The following UBR2 variants were observed in gnomAD, a reference collection of about 807,000 sequenced individuals.
UBR2 encodes the protein ubiquitin protein ligase E3 component n-recognin 2.
UBR2 carries 92 observed loss-of-function variants against 247.9 expected under a neutral mutation model. The observed-to-expected ratio is 0.37, with a 90% confidence interval of 0.31 to 0.44. UBR2 has a LOEUF of 0.44. UBR2 is among the 20% of genes least tolerant of loss of function. The pLI is 1.00. For synonymous variants in UBR2, 672 were observed against 693.5 expected, an observed-to-expected ratio of 0.97 and a Z score of 0.49; for missense variants, 1,613 against 2,112.6, an observed-to-expected ratio of 0.76 and a Z score of 4.64.
intron 2 of UBR2, among the ~76,000 whole-genome samples, chr6:42,579,969 C>T (rs1476867622): frequency 6.6e-6 from 1 of 151,984 alleles, no homozygotes; most frequent in African/African-American, 2.4e-5. Context: ...TTCTTTATAA[C>T]TGTTTTCATA....
At chr6:42,651,387 C>T (rs1797101062) in intron 23 of UBR2, among the ~76,000 whole-genome samples, 1 of 151,648 alleles carries the variant, frequency 6.6e-6, no homozygotes, top group Non-Finnish European at 1.5e-5. Context: ...TGTTTCCCTT[C>T]TAATTTAAAG....
intron 1 of UBR2, among the ~76,000 whole-genome samples, chr6:42,569,158 T>C (rs1469098505): frequency 6.6e-6 from 1 of 152,248 alleles, no homozygotes; most frequent in Non-Finnish European, 1.5e-5. Context: ...TGGGGACATA[T>C]GCTTTTGTTT....
intron 2 of UBR2, among the ~76,000 whole-genome samples, chr6:42,589,535 T>G: frequency 6.6e-6 from 1 of 152,212 alleles, no homozygotes; most frequent in East Asian, 1.9e-4. Flanking sequence ...TAGGAAGTAT[T>G]CCCTCTGCTT....
At chr6:42,665,745 T>C (rs1484558486) in intron 33 of UBR2, among the ~76,000 whole-genome samples, 3 of 152,018 alleles carry the variant, frequency 2.0e-5, no homozygotes, top group South Asian at 2.1e-4. Flanking sequence ...CCCCATTTTA[T>C]TGAAGAGCTT....
intron 9 of UBR2, 84 bp downstream of exon 9, chr6:42,615,262 A>G (rs1794468330): frequency 1.0e-6 from 1 of 995,870 alleles, no homozygotes; most frequent in African/African-American, 1.7e-5. Flanking sequence ...TTGGGAAGAT[A>G]TTTAATACAT....
At chr6:42,618,020 T>G (rs1173442140) in intron 11 of UBR2, among the ~76,000 whole-genome samples, 2 of 152,216 alleles carry the variant, frequency 1.3e-5, no homozygotes, top group Non-Finnish European at 2.9e-5. Flanking sequence ...TAATTAAAAT[T>G]CATATTTAAT....
intron 4 of UBR2, among the ~76,000 whole-genome samples, chr6:42,601,972 C>T (rs1377397250): frequency 1.0e-5 from 1 of 100,374 alleles, no homozygotes; most frequent in African/African-American, 4.0e-5. Flanking sequence ...TGGGTTCAAG[C>T]GATTCTCCTG....
At chr6:42,565,043 C>T (rs1446243667) in intron 1 of UBR2, among the ~76,000 whole-genome samples, 1 of 151,870 alleles carries the variant, frequency 6.6e-6, no homozygotes, top group Non-Finnish European at 1.5e-5. Context: ...AATATTTTTT[C>T]TAGGAGTTAG....
intron 32 of UBR2, among the ~76,000 whole-genome samples, chr6:42,665,064 A>G (rs1470680924): frequency 1.3e-5 from 2 of 152,256 alleles, no homozygotes; most frequent in Non-Finnish European, 2.9e-5. Flanking sequence ...GTCTAATACC[A>G]TAAGATATTT....
chr6:42,671,410 TAA>T (rs56409458), intron 36 of UBR2, among the ~76,000 whole-genome samples: 331 of 145,488 alleles, frequency 2.3e-3, no homozygotes, highest in Middle Eastern at 3.4e-3. Context: ...ATCCTATCTT[TAA>T]AAAAAAAAAA....
At chr6:42,575,652 A>G (rs1791458877) in intron 2 of UBR2, among the ~76,000 whole-genome samples, 1 of 152,136 alleles carries the variant, frequency 6.6e-6, no homozygotes, top group Non-Finnish European at 1.5e-5. Flanking sequence ...AATTAGATTC[A>G]AGTTGCATCT....
chr6:42,612,390 T>A (rs1794146600), intron 8 of UBR2, 99 bp downstream of exon 8: 1 of 1,251,996 alleles, frequency 8.0e-7, no homozygotes, highest in Non-Finnish European at 1.1e-6. Flanking sequence ...AATAATTTCC[T>A]GCTTTAATTT....
chr6:42,616,214 G>A, intron 10 of UBR2, 124 bp downstream of exon 10: 1 of 587,224 alleles, frequency 1.7e-6, no homozygotes, highest in Non-Finnish European at 2.8e-6. Flanking sequence ...TAAATTCTAA[G>A]AAACTTCATA....
Position 42,659,725 on chromosome 6 carries a change from A to G in UBR2, c.3312A>G (p.Gln1104=), listed in dbSNP as rs1051090438. The change falls in exon 30 of 47, where the codon CAA becomes CAG. Residue 1104 remains glutamine, a synonymous_variant. Transcript: ENST00000372901. This position sits in a 1 kb window ranked among gnomAD's most constrained non-coding sequence, Gnocchi z 4.3. ...PAQTQVPEQR[Q]FVTCILCQEE... ...AAACTCAGGTTCCTGAACAAAGACA[A>G]TTCGTTACATGTATATTGTGTCAAG... The G allele has an allele frequency of 6.2e-7, 1 of 1,614,016 alleles. No individual in the cohort carries two copies. The highest frequency in any genetic ancestry group is 1.3e-5 in the African/African-American group (1 of 74,914).
At chr6:42,574,096 T>C in intron 2 of UBR2, 103 bp downstream of exon 2, 4 of 1,172,814 alleles carry the variant, frequency 3.4e-6, no homozygotes, top group Non-Finnish European at 4.6e-6. Flanking sequence ...AAATACCATA[T>C]CTGCTTAAAA....
At chr6:42,605,162 T>C (rs1249956200) in intron 5 of UBR2, among the ~76,000 whole-genome samples, 1 of 152,200 alleles carries the variant, frequency 6.6e-6, no homozygotes, top group Non-Finnish European at 1.5e-5. Flanking sequence ...TTTGCCACCT[T>C]AGCACCTTTG....
chr6:42,677,606 T>G (rs1161385318), intron 40 of UBR2, among the ~76,000 whole-genome samples: 1 of 151,814 alleles, frequency 6.6e-6, no homozygotes, highest in Non-Finnish European at 1.5e-5. Flanking sequence ...GGTGAAACCC[T>G]GTCTCTACCA....
intron 16 of UBR2, 128 bp from the exon 17 acceptor site, chr6:42,641,451 AAAT>A (rs554395742): frequency 2.3e-4 from 135 of 596,046 alleles, no homozygotes; most frequent in Middle Eastern, 4.9e-4. Flanking sequence ...CTGTCTCAAA[AAAT>A]AATAATAATA....
At chr6:42,604,889 G>C (rs754678803) in intron 5 of UBR2, among the ~76,000 whole-genome samples, 37 of 151,948 alleles carry the variant, frequency 2.4e-4, no homozygotes, top group Non-Finnish European at 4.1e-4. Flanking sequence ...TAGCTGGGCA[G>C]GGTAGTGCAT....
Sources: allele counts gnomAD v4.1 joint callset (sites outside exome capture counted in the v4.1 genomes callset), GRCh38; gene constraint gnomAD v4.1.1; non-coding constraint Gnocchi (gnomAD v3.1); transcripts MANE v1.5; gene names NCBI Gene and HGNC (gene_info 2026-07-23, HGNC 2026-07-21).